NARS2: variants seen among roughly 807,000 people sequenced by gnomAD.
NARS2 encodes asparaginyl-tRNA synthetase.
A neutral mutation model predicts 62.9 loss-of-function variants in NARS2; 60 were observed. The observed-to-expected ratio is 0.95, with a 90% CI of 0.77 to 1.18. The LOEUF (loss-of-function observed/expected upper bound fraction) is 1.18, where lower values mean the gene tolerates loss of function less well. NARS2 is among the 50% of genes most tolerant of loss of function. The pLI is 0.00. For missense variants in NARS2, 619 were observed against 576.4 expected (o/e 1.07, Z -0.76); for synonymous variants, 196 against 200.0 (o/e 0.98, Z 0.17).
chr11:78,479,338 T>A (rs1282613034), intron 7 of NARS2, among the ~76,000 whole-genome samples: 1 of 152,048 alleles, frequency 6.6e-6, no homozygotes, highest in Non-Finnish European at 1.5e-5. Flanking sequence ...ACTCTGTCTC[T>A]ACAAAAATAA....
intron 5 of NARS2, chr11:78,555,111 G>A (rs1037846704): frequency 1.3e-5 from 2 of 152,184 alleles, no homozygotes; most frequent in East Asian, 1.9e-4. Context: ...AATTTCTGAT[G>A]TGCTGCTGGA....
rs140046146 is a variant in NARS2, at chr11:78,525,113, C to T, written c.689+3729G>A. ...AGGCAAAACTATGGAGATGGTAAAA[C>T]GATCAATGGTTACCAGTGGTTAGGA... is the stretch of plus-strand genomic sequence containing the variant. On this transcript the variant is annotated intron_variant, in intron 6 of 13. Transcript: ENST00000281038. Among the ~76,000 whole-genome samples the T allele has an allele frequency of 4.6e-5, 7 of 152,120 alleles. No homozygotes were observed. The East Asian group carries it at 1.4e-3, about 29-fold the overall frequency.
At chr11:78,557,520 A>G (rs1269372940) in intron 5 of NARS2, among the ~76,000 whole-genome samples, 1 of 152,212 alleles carries the variant, frequency 6.6e-6, no homozygotes, top group Non-Finnish European at 1.5e-5. Context: ...GACACAGCAT[A>G]AAAGCCAGAT....
chr11:78,505,876 A>G (rs922663472), intron 6 of NARS2, among the ~76,000 whole-genome samples: 1 of 152,196 alleles, frequency 6.6e-6, no homozygotes, highest in Non-Finnish European at 1.5e-5. Context: ...TAACAGAATA[A>G]GAAGCTTCTG....
intron 1 of NARS2, among the ~76,000 whole-genome samples, chr11:78,572,097 G>A (rs928136934): frequency 2.0e-5 from 3 of 152,078 alleles, no homozygotes; most frequent in African/African-American, 4.8e-5. Context: ...CAGGAGAATC[G>A]CTTGAACCCA....
chr11:78,461,570 G>T (rs1187770392), intron 11 of NARS2, among the ~76,000 whole-genome samples: 1 of 130,836 alleles, frequency 7.6e-6, no homozygotes, highest in Non-Finnish European at 1.6e-5. Context: ...AAAGAAGTAG[G>T]AGTATAGAAT....
intron 1 of NARS2, chr11:78,573,152 A>G (rs1295302652): frequency 6.6e-6 from 1 of 152,252 alleles, no homozygotes; most frequent in African/African-American, 2.4e-5. Context: ...AGTAAAGGAT[A>G]TGTGAGGACA....
At chr11:78,523,553 G>A (rs1320226236) in intron 6 of NARS2, among the ~76,000 whole-genome samples, 2 of 152,154 alleles carry the variant, frequency 1.3e-5, no homozygotes, top group African/African-American at 4.8e-5. Flanking sequence ...GCCAAAAGTA[G>A]AAACAACCCA....
chr11:78,505,789 T>A (rs1480094432), intron 6 of NARS2, among the ~76,000 whole-genome samples: 2 of 152,090 alleles, frequency 1.3e-5, no homozygotes, highest in Non-Finnish European at 2.9e-5. Flanking sequence ...GGAAAAAACA[T>A]GGAAGAAAAA....
intron 6 of NARS2, among the ~76,000 whole-genome samples, chr11:78,511,670 T>C (rs1469855982): frequency 1.3e-5 from 2 of 150,506 alleles, no homozygotes; most frequent in African/African-American, 2.5e-5. Flanking sequence ...TGAGCTGAGA[T>C]CGCCCCACTG....
At chr11:78,559,301 C>CAAAAAAA (rs10627726) in intron 5 of NARS2, among the ~76,000 whole-genome samples, 5 of 58,418 alleles carry the variant, frequency 8.6e-5, no homozygotes, top group Admixed American at 3.0e-4. Flanking sequence ...GACTCCATCT[C>CAAAAAAA]AAAAAAAAAA....
chr11:78,561,972 T>C (rs771023072), intron 4 of NARS2, among the ~76,000 whole-genome samples: 4 of 151,268 alleles, frequency 2.6e-5, no homozygotes, highest in Admixed American at 6.6e-5. Flanking sequence ...GAGGCAGAGG[T>C]TGCAGTGAGC....
chr11:78,467,839 T>C (rs1410367665), intron 10 of NARS2, among the ~76,000 whole-genome samples: 4 of 152,058 alleles, frequency 2.6e-5, no homozygotes, highest in South Asian at 2.1e-4. Context: ...CCTGAATATA[T>C]ACAATCTTCT....
chr11:78,537,316 C>G (rs1451251349), intron 5 of NARS2, among the ~76,000 whole-genome samples: 3 of 152,010 alleles, frequency 2.0e-5, no homozygotes, highest in Non-Finnish European at 4.4e-5. Flanking sequence ...GCAAATGTGA[C>G]CAAGAGGGAG....
At chr11:78,495,399 T>C (rs1860016209) in intron 6 of NARS2, among the ~76,000 whole-genome samples, 1 of 152,188 alleles carries the variant, frequency 6.6e-6, no homozygotes, top group Non-Finnish European at 1.5e-5. Flanking sequence ...ACTTCCCCTT[T>C]GAATCCTTAC....
At position 78,441,710 on chromosome 11, in the gene NARS2, C is replaced by CAA. The variant is rs773790665; in HGVS notation, c.1263-595_1263-594dup. 3.8e-3 allele frequency among the ~76,000 whole-genome samples: 490 copies of CAA among 127,412 alleles called. 4 individuals carry two copies. The highest frequency in any genetic ancestry group is 0.013 in the African/African-American group (457 of 35,234). The allele number at this position is 127,412 out of a possible 152,430, so 83.6% of individuals were successfully genotyped here. On this transcript the variant is annotated intron_variant, in intron 12 of 13. Transcript: ENST00000281038. ...TGGACAACAGAGTGAGACTCCATCT[C>CAA]AAAAAAAAAAAAAGAAAAGAAAAGC...
At chr11:78,475,461 G>T (rs2135251517) in intron 9 of NARS2, among the ~76,000 whole-genome samples, 1 of 151,558 alleles carries the variant, frequency 6.6e-6, no homozygotes, top group Non-Finnish European at 1.5e-5. Flanking sequence ...TATACTTTTG[G>T]TTTTTTGAGA....
chr11:78,461,479 G>A (rs1747155522), intron 11 of NARS2, among the ~76,000 whole-genome samples: 1 of 151,714 alleles, frequency 6.6e-6, no homozygotes, highest in African/African-American at 2.4e-5. Context: ...AGACTTAAAA[G>A]TCTGCTGGAT....
At chr11:78,449,980 T>G (rs1214245119) in intron 11 of NARS2, among the ~76,000 whole-genome samples, 1 of 152,176 alleles carries the variant, frequency 6.6e-6, no homozygotes, top group Admixed American at 6.5e-5. Context: ...TTGGGGCAGA[T>G]GGGAAAAAGA....
Sources: allele counts gnomAD v4.1 joint callset (sites outside exome capture counted in the v4.1 genomes callset), GRCh38; gene constraint gnomAD v4.1.1; transcripts MANE v1.5; gene names NCBI Gene and HGNC (gene_info 2026-07-23, HGNC 2026-07-21).